PTPRT: variants seen among roughly 807,000 people sequenced by gnomAD.
PTPRT encodes protein tyrosine phosphatase receptor type T, also known as receptor-type tyrosine-protein phosphatase T.
PTPRT carries 56 observed loss-of-function variants against 176.8 expected under a neutral mutation model. The ratio of observed to expected loss-of-function variants is 0.32; its 90% confidence interval spans 0.26 to 0.40. PTPRT has a LOEUF of 0.40. Ranked by LOEUF, PTPRT falls within the 10% of genes least tolerant of loss-of-function variation. The probability of loss-of-function intolerance (pLI) is 1.00; values close to 1 mark genes in which losing one functional copy is unlikely to be tolerated. For missense variants in PTPRT, 1,540 were observed against 1,908.2 expected, an observed-to-expected ratio of 0.81 and a Z score of 3.60; for synonymous variants, 783 against 739.0, an observed-to-expected ratio of 1.06 and a Z score of -0.96.
chr20:42,137,290 C>T (rs1323001034), intron 18 of PTPRT, among the ~76,000 whole-genome samples: 1 of 152,116 alleles, frequency 6.6e-6, no homozygotes, highest in African/African-American at 2.4e-5. Context: ...CTCTGTCTCC[C>T]CAGGAATCAG....
rs1434697447 is a variant in PTPRT, at chr20:42,110,370, T to C, written c.3217A>G (p.Asn1073Asp). The C allele has an allele frequency of 6.2e-7, 1 of 1,612,616 alleles. No homozygotes were observed. The highest frequency in any genetic ancestry group is 1.7e-5 in the Admixed American group (1 of 59,980). ...ACTATGGGCCCAGCTTCCGGGGGGTTGAGGAACTTGACCTGGCGGACGAAG... is the reference window on the plus strand; with the variant it reads ...ACTATGGGCCCAGCTTCCGGGGGGTCGAGGAACTTGACCTGGCGGACGAAG... ...LGFVRQVKFL[N>D]PPEAGPIVVH... Residue 1073 changes from asparagine to aspartate, a missense_variant, in exon 23 of 31, where the codon AAC becomes GAC. Asn to Asp is a conservative substitution (Grantham distance 23, BLOSUM62 1). Transcript: ENST00000373187.
rs564279137 is a variant in PTPRT at position 42,943,901 on chromosome 20, C to G, written c.89-57969G>C. ...TGGAATGGTGACGCATGCCTGCAGT[C>G]CCAGCTACTTAGGAGGCTGAGGCAG... On this transcript the variant is annotated intron_variant, in intron 1 of 30. Transcript: ENST00000373187. Among the ~76,000 whole-genome samples, 220 of 152,238 alleles carry G rather than the reference C, an allele frequency of 1.4e-3. 1 individual carries two copies. In the South Asian group the frequency reaches 0.028, roughly 19 times the overall value.
intron 7 of PTPRT, among the ~76,000 whole-genome samples, chr20:42,598,989 T>C (rs2073726868): frequency 6.6e-6 from 1 of 152,122 alleles, no homozygotes; most frequent in Non-Finnish European, 1.5e-5. Context: ...GTTCCAACAA[T>C]CATCTTATTT....
intron 2 of PTPRT, among the ~76,000 whole-genome samples, chr20:42,881,762 C>G (rs1055346536): frequency 1.5e-3 from 218 of 141,556 alleles, no homozygotes; most frequent in Middle Eastern, 3.9e-3. Context: ...GAGAGAGAGA[C>G]AACCAAAGAA....
the PTPRT span, among the ~76,000 whole-genome samples, chr20:42,059,773 G>A: frequency 2.6e-5 from 4 of 152,304 alleles, 1 homozygote; most frequent in South Asian, 4.2e-4. Context: ...CTGTAACTAT[G>A]AGAAAAGTCA....
chr20:43,128,797 C>G (rs2013542440), intron 1 of PTPRT, among the ~76,000 whole-genome samples: 1 of 152,168 alleles, frequency 6.6e-6, no homozygotes, highest in African/African-American at 2.4e-5. Context: ...CTCTGTCTGG[C>G]TGGGTTTCAA....
intron 7 of PTPRT, among the ~76,000 whole-genome samples, chr20:42,586,145 C>T (rs985707601): frequency 1.3e-4 from 20 of 152,038 alleles, no homozygotes; most frequent in African/African-American, 3.1e-4. Context: ...ATTAAAGGCA[C>T]GTTCAATGTT....
chr20:42,520,787 C>A lies in PTPRT; in HGVS notation c.1154-48225G>T, dbSNP rs181445384. ...ATTCTTTCCAGGGCTTGTCAGCAGA[C>A]AGAGCTTGGAAAGACATATATATAT... is the stretch of plus-strand genomic sequence containing the variant. On this transcript the variant is annotated intron_variant, in intron 7 of 30. Coordinates refer to ENST00000373187, the MANE Select transcript of PTPRT (RefSeq NM_007050.6). 2.1e-4 allele frequency among the ~76,000 whole-genome samples: 31 copies of A among 145,584 alleles called. 1 individual carries two copies. Among genetic ancestry groups the A allele is most frequent in the Admixed American group, 2.1e-3 (31 of 14,582 alleles).
chr20:43,031,182 G>C (rs1986123720), intron 1 of PTPRT, among the ~76,000 whole-genome samples: 1 of 152,124 alleles, frequency 6.6e-6, no homozygotes, highest in Non-Finnish European at 1.5e-5. Flanking sequence ...CTTGGGCAAG[G>C]GACCTCCTTT....
At chr20:42,097,499 A>T (rs983807114) in intron 27 of PTPRT, among the ~76,000 whole-genome samples, 1 of 152,206 alleles carries the variant, frequency 6.6e-6, no homozygotes, top group African/African-American at 2.4e-5. Flanking sequence ...CCCTCTGGGC[A>T]GAATTCATTG....
intron 7 of PTPRT, among the ~76,000 whole-genome samples, chr20:42,503,778 ATTC>A (rs1328286374): frequency 2.0e-5 from 3 of 152,040 alleles, no homozygotes; most frequent in African/African-American, 7.2e-5. Context: ...ATCTCCAAGC[ATTC>A]TTCTTATGCC....
intron 8 of PTPRT, among the ~76,000 whole-genome samples, chr20:42,462,787 T>C (rs2071042384): frequency 1.3e-5 from 2 of 152,170 alleles, no homozygotes; most frequent in South Asian, 2.1e-4. Flanking sequence ...GGCCACACAC[T>C]ACTTAGCAAA....
the PTPRT span, among the ~76,000 whole-genome samples, chr20:42,033,169 C>G: frequency 6.6e-6 from 1 of 152,128 alleles, no homozygotes; most frequent in African/African-American, 2.4e-5. Flanking sequence ...TGGAATCACT[C>G]TGCAGACATT....
intron 8 of PTPRT, among the ~76,000 whole-genome samples, chr20:42,457,942 G>C (rs1309420934): frequency 6.6e-6 from 1 of 152,112 alleles, no homozygotes; most frequent in Non-Finnish European, 1.5e-5. Context: ...AAGATGACCA[G>C]GGCACTGACC....
At chr20:42,799,504 C>G (rs1216476863) in intron 2 of PTPRT, among the ~76,000 whole-genome samples, 1 of 152,150 alleles carries the variant, frequency 6.6e-6, no homozygotes, top group African/African-American at 2.4e-5. Flanking sequence ...ACTTGCCTTC[C>G]CCAACAATTC....
At chr20:42,451,633 G>A (rs6124458) in intron 8 of PTPRT, among the ~76,000 whole-genome samples, 33,753 of 152,058 alleles carry the variant, frequency 0.22, 3,860 homozygotes, top group Middle Eastern at 0.33. Flanking sequence ...AAGGTAAGCC[G>A]TCATTGTAGC....
intron 1 of PTPRT, among the ~76,000 whole-genome samples, chr20:42,922,786 G>A (rs146148812): frequency 6.6e-6 from 1 of 152,066 alleles, no homozygotes; most frequent in Non-Finnish European, 1.5e-5. Flanking sequence ...TTAGCTGAGG[G>A]TCACTCAAAC....
intron 27 of PTPRT, among the ~76,000 whole-genome samples, chr20:42,086,749 A>ATATATATATATATATATATATAT (rs59068856): frequency 1.3e-5 from 1 of 75,160 alleles, no homozygotes; most frequent in Non-Finnish European, 2.6e-5. Flanking sequence ...AAAAAAAAAA[A>ATATATATATATATATATATATAT]AAAAATATAT....
chr20:42,642,069 G>A (rs2074769504), intron 7 of PTPRT, among the ~76,000 whole-genome samples: 1 of 152,162 alleles, frequency 6.6e-6, no homozygotes, highest in Non-Finnish European at 1.5e-5. Context: ...CACCAGCAGT[G>A]TGCCTGTCCA....
Sources: allele counts gnomAD v4.1 joint callset (sites outside exome capture counted in the v4.1 genomes callset), GRCh38; gene constraint gnomAD v4.1.1; transcripts MANE v1.5; gene names NCBI Gene and HGNC (gene_info 2026-07-23, HGNC 2026-07-21).